Variants in LMO7 observed in about 807,000 individuals in gnomAD.
LMO7 encodes the protein LIM domain 7.
In LMO7, 120 loss-of-function variants were observed where a neutral mutation model predicts 206.5. The ratio of observed to expected loss-of-function variants is 0.58; its 90% CI spans 0.50 to 0.68. The LOEUF (loss-of-function observed/expected upper bound fraction) is 0.68. Among genes scored for constraint, LMO7 ranks in the 30% least tolerant of loss-of-function variants. The pLI, the probability that LMO7 is intolerant of heterozygous loss-of-function variation, is 0.00. For synonymous variants in LMO7, 706 were observed against 681.5 expected, an observed-to-expected ratio of 1.04 and a Z score of -0.56; for missense variants, 1,959 against 1,957.9, an observed-to-expected ratio of 1.00 and a Z score of -0.01.
chr13:75,761,427 T>C (rs1285746323), intron 4 of LMO7, among the ~76,000 whole-genome samples: 1 of 152,160 alleles, frequency 6.6e-6, no homozygotes, highest in Non-Finnish European at 1.5e-5. Context: ...AATTAAGACA[T>C]AATTATTAGC....
chr13:75,653,807 C>T (rs1445172977), intron 1 of LMO7, among the ~76,000 whole-genome samples: 1 of 152,130 alleles, frequency 6.6e-6, no homozygotes, highest in East Asian at 1.9e-4. Flanking sequence ...ATTCTGGTAC[C>T]ATAAGTCAAC....
At chr13:75,780,025 A>G (rs1191079657) in intron 4 of LMO7, among the ~76,000 whole-genome samples, 2 of 152,196 alleles carry the variant, frequency 1.3e-5, no homozygotes, top group Non-Finnish European at 2.9e-5. Flanking sequence ...GGGGAGGAGT[A>G]TACAAATAGG....
intron 1 of LMO7, among the ~76,000 whole-genome samples, chr13:75,659,139 A>T (rs1300124774): frequency 3.3e-5 from 5 of 152,142 alleles, no homozygotes; most frequent in Non-Finnish European, 5.9e-5. Context: ...TGGGTCAAAA[A>T]TTTCTCTTTT....
intron 1 of LMO7, among the ~76,000 whole-genome samples, chr13:75,673,690 G>T (rs1051656610): frequency 2.0e-5 from 3 of 152,092 alleles, no homozygotes; most frequent in Admixed American, 1.3e-4. Flanking sequence ...CACCTTATGT[G>T]TCCATAAAGG....
chr13:75,789,706 TG>T (rs1225470274), intron 4 of LMO7, among the ~76,000 whole-genome samples: 3 of 152,108 alleles, frequency 2.0e-5, no homozygotes, highest in Non-Finnish European at 2.9e-5. Context: ...AAACATACCC[TG>T]GGGAAGGCGG....
intron 28 of LMO7, among the ~76,000 whole-genome samples, chr13:75,854,788 G>A (rs1488789137): frequency 6.6e-6 from 1 of 152,110 alleles, no homozygotes; most frequent in Non-Finnish European, 1.5e-5. Context: ...CAAGAAAGAG[G>A]GCGAAAAATA....
At position 75,827,104 on chromosome 13, in the gene LMO7, T is replaced by C. The variant is rs75101486; in HGVS notation, c.2949+3231T>C. 6.9e-3 allele frequency among the ~76,000 whole-genome samples: 1,058 copies of C among 152,300 alleles called. 17 individuals carry two copies. The highest frequency in any genetic ancestry group is 0.025 in the African/African-American group (1,024 of 41,564). On this transcript the variant is annotated intron_variant, in intron 15 of 30. Transcript: ENST00000377534. ...ACTCACTGAACTCTTCCTTGTCCCA[T>C]AGTGTTACGTGTTCCTCTTTCACTG...
intron 1 of LMO7, among the ~76,000 whole-genome samples, chr13:75,683,547 G>A (rs1431061968): frequency 1.3e-5 from 2 of 152,226 alleles, no homozygotes; most frequent in East Asian, 1.9e-4. Flanking sequence ...TTGTTCTCCA[G>A]TACTTTTAAA....
rs576344271 is a variant in LMO7, at chr13:75,694,438, AG to A, written c.70-18743del. ...AATGGATCTCTGGAAGGTTTTGAGCAGTGTTTGTTTTTGTGAGGAAGACTGT... is the reference window on the plus strand; with the variant it reads ...AATGGATCTCTGGAAGGTTTTGAGCATGTTTGTTTTTGTGAGGAAGACTGT... On this transcript the variant is annotated intron_variant, in intron 1 of 30. Transcript: ENST00000377534. Among the ~76,000 whole-genome samples, 143 of 152,310 alleles carry A rather than the reference AG, an allele frequency of 9.4e-4. 1 individual carries two copies. The highest frequency in any genetic ancestry group is 3.4e-3 in the African/African-American group (141 of 41,572).
At chr13:75,830,675 G>C (rs888099460) in intron 15 of LMO7, among the ~76,000 whole-genome samples, 2 of 152,132 alleles carry the variant, frequency 1.3e-5, no homozygotes, top group African/African-American at 4.8e-5. Context: ...TGTTTAAATA[G>C]TGATTTCTTT....
chr13:75,640,410 C>G (rs1189372048), intron 1 of LMO7, among the ~76,000 whole-genome samples: 2 of 152,136 alleles, frequency 1.3e-5, no homozygotes, highest in Non-Finnish European at 2.9e-5. Flanking sequence ...AGTTTTGTCA[C>G]CTCCATGTTT....
Position 75,841,663 on chromosome 13 carries a change from G to T in LMO7, c.3711G>T (p.Leu1237=). 2 of 1,614,030 alleles carry T rather than the reference G, an allele frequency of 1.2e-6. No homozygotes were observed. The highest frequency in any genetic ancestry group is 2.2e-5 in the South Asian group (2 of 91,030). ...LMVLSSNSMS[L]TTREPSLATW... ...TCCTAAGCTCAAACAGCATGTCTCTGACCACACGGGAGCCCTCTCTTGCCA... is the reference window on the plus strand; with the variant it reads ...TCCTAAGCTCAAACAGCATGTCTCTTACCACACGGGAGCCCTCTCTTGCCA... Residue 1237 remains leucine (L), a synonymous_variant, in exon 24 of 31, where the codon CTG becomes CTT. Coordinates refer to ENST00000377534, the MANE Select transcript of LMO7 (RefSeq NM_001306080.2).
intron 3 of LMO7, among the ~76,000 whole-genome samples, chr13:75,744,257 C>T (rs1405854043): frequency 2.6e-5 from 4 of 152,118 alleles, no homozygotes; most frequent in African/African-American, 4.8e-5. Flanking sequence ...ACCCTCATGA[C>T]GTGGCACTGC....
intron 4 of LMO7, among the ~76,000 whole-genome samples, chr13:75,789,777 A>G (rs1457411999): frequency 6.6e-6 from 1 of 152,206 alleles, no homozygotes; most frequent in African/African-American, 2.4e-5. Flanking sequence ...AGGCATTTAG[A>G]AATATTTTTG....
intron 1 of LMO7, among the ~76,000 whole-genome samples, chr13:75,655,367 CTTG>C (rs1234167331): frequency 2.0e-5 from 3 of 152,124 alleles, no homozygotes; most frequent in South Asian, 4.1e-4. Flanking sequence ...TATTTGGAAG[CTTG>C]TTGTATATTT....
At position 75,856,357 on chromosome 13, in the gene LMO7, TA is replaced by T; in HGVS notation, c.4771-147del. On this transcript the variant is annotated intron_variant, in intron 29 of 30. Transcript: ENST00000377534. Reference sequence around the variant, plus strand: ...TCTGGCGGTCTTGATTTGAATCTACTAATCATCTTTCGGCCTTTTTTTTTCT... The same window carrying T: ...TCTGGCGGTCTTGATTTGAATCTACTATCATCTTTCGGCCTTTTTTTTTCT... 3 of 583,470 alleles carry T rather than the reference TA, an allele frequency of 5.1e-6. No homozygotes were observed. The South Asian group carries it at 6.3e-5, about 12-fold the overall frequency. The allele number at this position is 583,470 out of a possible 1,614,324, so 36.1% of individuals were successfully genotyped here. A position where few individuals can be genotyped will look rare whatever the true frequency, so the allele number is the denominator to read the frequency against.
At chr13:75,751,062 T>C (rs2047225373) in intron 3 of LMO7, among the ~76,000 whole-genome samples, 1 of 150,912 alleles carries the variant, frequency 6.6e-6, no homozygotes, top group Non-Finnish European at 1.5e-5. Flanking sequence ...TGCCAGATTA[T>C]AAATAGAAAG....
chr13:75,783,103 G>T (rs2051799029), intron 4 of LMO7, among the ~76,000 whole-genome samples: 1 of 152,062 alleles, frequency 6.6e-6, no homozygotes, highest in African/African-American at 2.4e-5. Context: ...CATTTGTGAT[G>T]GCATAACATG....
At chr13:75,753,069 G>A (rs559179750) in intron 3 of LMO7, among the ~76,000 whole-genome samples, 42 of 152,218 alleles carry the variant, frequency 2.8e-4, no homozygotes, top group Admixed American at 1.3e-4. Context: ...AAGCATTCCT[G>A]TTTCTCTGCA....
Sources: gnomAD v4.1 joint callset for allele counts (sites outside exome capture counted in the v4.1 genomes callset) on GRCh38, gnomAD v4.1.1 for gene constraint, MANE v1.5 for transcripts, NCBI Gene and HGNC (gene_info 2026-07-23, HGNC 2026-07-21) for gene names.